The following CNTNAP2 variants were observed in gnomAD, a reference collection of about 807,000 sequenced individuals.
The protein encoded by CNTNAP2 is contactin associated protein 2.
Under a neutral mutation model 155.2 loss-of-function variants are expected in CNTNAP2, and 98 were observed. That is an observed-to-expected ratio of 0.63 (90% confidence interval 0.54 to 0.75). The LOEUF (loss-of-function observed/expected upper bound fraction) is 0.75. Ranked by LOEUF, CNTNAP2 falls within the 30% of genes least tolerant of loss-of-function variation. CNTNAP2 has a pLI of 0.00. For synonymous variants in CNTNAP2, 651 were observed against 631.2 expected (o/e 1.03, Z -0.47); for missense variants, 1,727 against 1,688.1 (o/e 1.02, Z -0.40).
intron 1 of CNTNAP2, among the ~76,000 whole-genome samples, chr7:146,467,213 A>G (rs1241796238): frequency 2.0e-5 from 3 of 152,130 alleles, no homozygotes; most frequent in Non-Finnish European, 1.5e-5. Context: ...TCTTAACTAT[A>G]TTACTACCAT....
chr7:146,363,103 G>A (rs931716561), intron 1 of CNTNAP2, among the ~76,000 whole-genome samples: 19 of 151,930 alleles, frequency 1.3e-4, no homozygotes, highest in Non-Finnish European at 2.2e-4. Context: ...GAGTAGCAAT[G>A]GTATTAAATA....
At chr7:148,363,218 T>C (rs778214387) in intron 21 of CNTNAP2, among the ~76,000 whole-genome samples, 12 of 152,150 alleles carry the variant, frequency 7.9e-5, no homozygotes, top group Non-Finnish European at 1.5e-4. Flanking sequence ...CCCAACCTCA[T>C]GTGATCCGCC....
In CNTNAP2 at chr7:147,827,129, G is replaced by A. The variant is rs138709675; in HGVS notation, c.2099-76436G>A. 5.9e-5 allele frequency among the ~76,000 whole-genome samples: 9 copies of A among 151,934 alleles called. No individual in the cohort carries two copies. The East Asian group carries it at 1.4e-3, about 23-fold the overall frequency. On this transcript the variant is annotated intron_variant, in intron 13 of 23. Coordinates refer to ENST00000361727, the MANE Select transcript of CNTNAP2 (RefSeq NM_014141.6). ...CTATTTTCATTAGAGATGGGGTTTC[G>A]CCATTCACAGGATAAAATCTGAATA... is the stretch of plus-strand genomic sequence containing the variant.
chr7:146,277,829 A>G (rs1052102922), intron 1 of CNTNAP2, among the ~76,000 whole-genome samples: 49 of 152,318 alleles, frequency 3.2e-4, no homozygotes, highest in African/African-American at 1.1e-3. Flanking sequence ...AGCTTCCTGG[A>G]TGAATTCATT....
At chr7:146,123,796 G>T (rs1314445446) in intron 1 of CNTNAP2, among the ~76,000 whole-genome samples, 1 of 152,056 alleles carries the variant, frequency 6.6e-6, no homozygotes, top group Non-Finnish European at 1.5e-5. Flanking sequence ...TAAGAAAATT[G>T]TCTTAAAATT....
intron 1 of CNTNAP2, among the ~76,000 whole-genome samples, chr7:146,354,454 G>C (rs374700367): frequency 7.2e-6 from 1 of 138,000 alleles, no homozygotes; most frequent in Non-Finnish European, 1.5e-5. Context: ...TCACTCTGTC[G>C]CCCCGCCTGG....
chr7:148,059,604 A>AAAAG lies in CNTNAP2; in HGVS notation c.2384-58498_2384-58495dup, dbSNP rs1192187960. Among the ~76,000 whole-genome samples the AAAAG allele has an allele frequency of 1.7e-4, 26 of 150,098 alleles. 1 individual carries two copies. In the South Asian group the frequency reaches 3.1e-3, roughly 18 times the overall value. On this transcript the variant is annotated intron_variant, in intron 15 of 23. Coordinates refer to ENST00000361727, the MANE Select transcript of CNTNAP2 (RefSeq NM_014141.6). Reference sequence around the variant, plus strand: ...AAACTCTGTCTCAAAAAAAAAAAAAAAAAGAAAGAAAGAAAGAAAATTCAT... The same window carrying AAAAG: ...AAACTCTGTCTCAAAAAAAAAAAAAAAAAGAAAGAAAGAAAGAAAGAAAATTCAT...
chr7:147,185,465 GA>G (rs1339144126), intron 8 of CNTNAP2, among the ~76,000 whole-genome samples: 2 of 151,950 alleles, frequency 1.3e-5, no homozygotes, highest in East Asian at 3.9e-4. Flanking sequence ...ATAAAACCTG[GA>G]AACAACCAAA....
At chr7:147,485,793 C>A in intron 10 of CNTNAP2, 142 bp from the exon 11 acceptor site, 2 of 782,636 alleles carry the variant, frequency 2.6e-6, no homozygotes, top group Admixed American at 1.9e-5. Flanking sequence ...TCATATTAAT[C>A]TGCTTAAACT....
intron 1 of CNTNAP2, among the ~76,000 whole-genome samples, chr7:146,553,120 T>C (rs1798145799): frequency 6.6e-6 from 1 of 152,190 alleles, no homozygotes; most frequent in Non-Finnish European, 1.5e-5. Flanking sequence ...TTCACTGTTA[T>C]ATCCCCTGAT....
intron 1 of CNTNAP2, among the ~76,000 whole-genome samples, chr7:146,349,759 T>C (rs1185529745): frequency 6.6e-6 from 1 of 152,142 alleles, no homozygotes; most frequent in Non-Finnish European, 1.5e-5. Context: ...AAATTCTGGG[T>C]TGAAAATTAT....
At chr7:147,530,416 G>A (rs1799411090) in intron 11 of CNTNAP2, among the ~76,000 whole-genome samples, 1 of 152,244 alleles carries the variant, frequency 6.6e-6, no homozygotes, top group Admixed American at 6.5e-5. Context: ...CTGACCTTGT[G>A]ATCTGCCTGC....
intron 13 of CNTNAP2, among the ~76,000 whole-genome samples, chr7:147,740,437 A>G (rs1255997485): frequency 6.6e-6 from 1 of 152,194 alleles, no homozygotes; most frequent in African/African-American, 2.4e-5. Context: ...ACACTGCCCA[A>G]CAAACCCACT....
At chr7:146,537,752 G>A (rs1312928524) in intron 1 of CNTNAP2, among the ~76,000 whole-genome samples, 1 of 152,086 alleles carries the variant, frequency 6.6e-6, no homozygotes, top group Non-Finnish European at 1.5e-5. Context: ...GCAAGTAAGT[G>A]CCTGAGGTAG....
At chr7:147,879,318 G>C (rs533551514) in intron 13 of CNTNAP2, among the ~76,000 whole-genome samples, 63 of 152,278 alleles carry the variant, frequency 4.1e-4, no homozygotes, top group African/African-American at 1.3e-3. Context: ...GGCATTCAGA[G>C]CCAGGGTCAC....
At chr7:146,274,482 C>T (rs561089030) in intron 1 of CNTNAP2, among the ~76,000 whole-genome samples, 16 of 152,266 alleles carry the variant, frequency 1.1e-4, no homozygotes, top group South Asian at 8.3e-4. Flanking sequence ...CCAGATGAGA[C>T]GGCATAGCTA....
At chr7:147,401,132 A>G (rs931651001) in intron 10 of CNTNAP2, among the ~76,000 whole-genome samples, 3 of 152,214 alleles carry the variant, frequency 2.0e-5, no homozygotes, top group African/African-American at 7.2e-5. Context: ...AGCCAGCACT[A>G]GTAAAAAGTG....
At chr7:147,023,944 C>T (rs1013838928) in intron 3 of CNTNAP2, among the ~76,000 whole-genome samples, 10 of 152,204 alleles carry the variant, frequency 6.6e-5, no homozygotes, top group Admixed American at 1.3e-4. Context: ...CTGTTATACT[C>T]CTCTCTTTAT....
intron 11 of CNTNAP2, among the ~76,000 whole-genome samples, chr7:147,526,287 T>A (rs911714925): frequency 6.6e-6 from 1 of 151,972 alleles, no homozygotes; most frequent in Admixed American, 6.6e-5. Flanking sequence ...TAATTCACAG[T>A]GTGACTTTGG....
Sources: allele counts gnomAD v4.1 joint callset (sites outside exome capture counted in the v4.1 genomes callset), GRCh38; gene constraint gnomAD v4.1.1; transcripts MANE v1.5; gene names NCBI Gene and HGNC (gene_info 2026-07-23, HGNC 2026-07-21).